The following ARHGAP15 variants were observed in gnomAD, a reference collection of about 807,000 sequenced individuals.
ARHGAP15 encodes Rho GTPase activating protein 15.
Under a neutral mutation model 63.7 loss-of-function variants are expected in ARHGAP15, and 51 were observed. The ratio of observed to expected loss-of-function variants is 0.80; its 90% CI spans 0.64 to 1.01. ARHGAP15 has a LOEUF of 1.01. ARHGAP15 is among the 50% of genes least tolerant of loss of function. The pLI is 0.00. For missense variants in ARHGAP15, 560 were observed against 564.6 expected (o/e 0.99, Z 0.08); for synonymous variants, 191 against 193.8 (o/e 0.99, Z 0.12).
chr2:143,612,774 T>C (rs1698306533), intron 11 of ARHGAP15, among the ~76,000 whole-genome samples: 1 of 152,230 alleles, frequency 6.6e-6, no homozygotes, highest in Non-Finnish European at 1.5e-5. Flanking sequence ...TGGACTCCGC[T>C]ACTAAATACC....
chr2:143,356,950 G>T (rs1354037614), intron 6 of ARHGAP15, among the ~76,000 whole-genome samples: 2 of 152,180 alleles, frequency 1.3e-5, no homozygotes, highest in African/African-American at 4.8e-5. Flanking sequence ...GGTGCAGTAA[G>T]CCACTGAACA....
chr2:143,132,795 C>T (rs1190354178), intron 1 of ARHGAP15, among the ~76,000 whole-genome samples: 1 of 152,174 alleles, frequency 6.6e-6, no homozygotes, highest in African/African-American at 2.4e-5. Context: ...CATTATTTCC[C>T]AACTTCTTCA....
intron 6 of ARHGAP15, among the ~76,000 whole-genome samples, chr2:143,415,189 T>A (rs778100433): frequency 6.6e-6 from 1 of 152,116 alleles, no homozygotes; most frequent in Non-Finnish European, 1.5e-5. Context: ...AAAAATCAAG[T>A]GATCATCTCA....
chr2:143,544,700 A>G (rs1037145634), intron 10 of ARHGAP15, among the ~76,000 whole-genome samples: 2 of 152,192 alleles, frequency 1.3e-5, no homozygotes, highest in African/African-American at 4.8e-5. Context: ...TACCTACACA[A>G]TATCTGTCAA....
At chr2:143,709,408 A>G (rs906879940) in intron 13 of ARHGAP15, among the ~76,000 whole-genome samples, 1 of 152,212 alleles carries the variant, frequency 6.6e-6, no homozygotes, top group African/African-American at 2.4e-5. Flanking sequence ...TTGGAAGAAT[A>G]TATTTGCTGC....
At chr2:143,503,618 C>G (rs1693173225) in intron 9 of ARHGAP15, among the ~76,000 whole-genome samples, 1 of 152,218 alleles carries the variant, frequency 6.6e-6, no homozygotes, top group Admixed American at 6.5e-5. Flanking sequence ...AGTCCTTCAC[C>G]TGACTGCAGA....
intron 2 of ARHGAP15, chr2:143,193,514 G>GA (rs1386114900): frequency 6.6e-6 from 1 of 152,588 alleles, no homozygotes; most frequent in Non-Finnish European, 1.5e-5. Flanking sequence ...TAGGGTCTCT[G>GA]AAAATCTCAA....
chr2:143,166,001 A>AGAAAGAAGGAAGGAAGGAAGGAAG (rs70982847), intron 2 of ARHGAP15, among the ~76,000 whole-genome samples: 3 of 101,160 alleles, frequency 3.0e-5, no homozygotes, highest in African/African-American at 1.4e-4. Flanking sequence ...AAAGAAAGAA[A>AGAAAGAAGGAAGGAAGGAAGGAAG]GAAGGAAGGA....
At chr2:143,182,759 A>G (rs1173005529) in intron 2 of ARHGAP15, among the ~76,000 whole-genome samples, 2 of 152,190 alleles carry the variant, frequency 1.3e-5, no homozygotes, top group East Asian at 3.9e-4. Context: ...GGCAGTAGAA[A>G]GCTCACAAGG....
At chr2:143,423,957 G>A (rs1689038415) in intron 6 of ARHGAP15, among the ~76,000 whole-genome samples, 1 of 152,092 alleles carries the variant, frequency 6.6e-6, no homozygotes, top group South Asian at 2.1e-4. Context: ...ATTATGAAAT[G>A]TTTTGCAACA....
chr2:143,253,984 T>A (rs534226386), intron 6 of ARHGAP15, among the ~76,000 whole-genome samples: 40 of 152,240 alleles, frequency 2.6e-4, no homozygotes, highest in African/African-American at 9.6e-4. Context: ...GTCACAAGTT[T>A]GATGTAGTTC....
chr2:143,402,357 CTGT>C (rs1383869028), intron 6 of ARHGAP15, among the ~76,000 whole-genome samples: 1 of 151,864 alleles, frequency 6.6e-6, no homozygotes, highest in Non-Finnish European at 1.5e-5. Flanking sequence ...CACAGATATT[CTGT>C]TGTTTTATTA....
chr2:143,545,183 G>A (rs1453240810), intron 10 of ARHGAP15, among the ~76,000 whole-genome samples: 3 of 152,118 alleles, frequency 2.0e-5, no homozygotes, highest in Non-Finnish European at 2.9e-5. Flanking sequence ...GAGAGGCAGC[G>A]GCCAGGGAAG....
At chr2:143,659,914 T>TGAAGTAATAAGTGGGTGTTCATCTTAA (rs1681664405) in intron 12 of ARHGAP15, among the ~76,000 whole-genome samples, 1 of 152,138 alleles carries the variant, frequency 6.6e-6, no homozygotes, top group South Asian at 2.1e-4. Context: ...CAAGAGAATT[T>TGAAGTAATAAGTGGGTGTTCATCTTAA]GAAGTAATAA....
intron 6 of ARHGAP15, among the ~76,000 whole-genome samples, chr2:143,393,498 C>T (rs1031097339): frequency 2.6e-5 from 4 of 151,954 alleles, no homozygotes; most frequent in Admixed American, 1.3e-4. Context: ...CTTTGGGAGG[C>T]GAAGGTGGGT....
chr2:143,622,683 GAAAT>G lies in ARHGAP15; in HGVS notation c.1004-1446_1004-1443del, dbSNP rs1227079402. Among the ~76,000 whole-genome samples, 3 of 149,744 alleles carry G rather than the reference GAAAT, an allele frequency of 2.0e-5. No homozygotes were observed. The East Asian group carries it at 5.9e-4, about 30-fold the overall frequency. On this transcript the variant is annotated intron_variant, in intron 11 of 13. Transcript: ENST00000295095. ...ACTGAAAGGGAAGATTAGCCCGTCTGAAATAAACAGATTCACCTTCATGTCTTCT... is the reference window on the plus strand; with the variant it reads ...ACTGAAAGGGAAGATTAGCCCGTCTGAAACAGATTCACCTTCATGTCTTCT...
intron 2 of ARHGAP15, among the ~76,000 whole-genome samples, chr2:143,190,052 T>A (rs1410831960): frequency 6.6e-6 from 1 of 152,206 alleles, no homozygotes; most frequent in Non-Finnish European, 1.5e-5. Context: ...CACAATTTTT[T>A]CTAAAGATTG....
intron 2 of ARHGAP15, among the ~76,000 whole-genome samples, chr2:143,174,476 CTT>C (rs1365672622): frequency 1.3e-5 from 2 of 152,200 alleles, no homozygotes; most frequent in Admixed American, 6.5e-5. Context: ...TCTAAAGAAA[CTT>C]ATTTTTTCAG....
intron 5 of ARHGAP15, among the ~76,000 whole-genome samples, chr2:143,244,045 C>A (rs1693958812): frequency 6.6e-6 from 1 of 152,068 alleles, no homozygotes. Flanking sequence ...AAATATTATT[C>A]CATATGTACT....
Sources: gnomAD v4.1 joint callset for allele counts (sites outside exome capture counted in the v4.1 genomes callset) on GRCh38, gnomAD v4.1.1 for gene constraint, MANE v1.5 for transcripts, NCBI Gene and HGNC (gene_info 2026-07-23, HGNC 2026-07-21) for gene names.